TCP11L2: variants seen among roughly 807,000 people sequenced by gnomAD.
The protein encoded by TCP11L2 is t-complex 11 like 2, also known as T-complex protein 11-like protein 2.
A neutral mutation model predicts 50.7 loss-of-function variants in TCP11L2; 39 were observed. The ratio of observed to expected loss-of-function variants is 0.77; its 90% confidence interval spans 0.60 to 1.01. TCP11L2 has a LOEUF of 1.01. Among genes scored for constraint, TCP11L2 ranks in the 50% least tolerant of loss-of-function variants. The pLI, the probability that TCP11L2 is intolerant of heterozygous loss-of-function variation, is 0.00. For missense variants in TCP11L2, 612 were observed against 614.7 expected (o/e 1.00, Z 0.05); for synonymous variants, 192 against 219.3 (o/e 0.88, Z 1.10).
chr12:106,320,778 CACA>C (rs2035306596), intron 4 of TCP11L2, among the ~76,000 whole-genome samples: 1 of 152,178 alleles, frequency 6.6e-6, no homozygotes, highest in African/African-American at 2.4e-5. Context: ...CATACAGATG[CACA>C]ACAATAAACA....
intron 6 of TCP11L2, among the ~76,000 whole-genome samples, chr12:106,331,653 A>G (rs2136774638): frequency 6.6e-6 from 1 of 152,310 alleles, no homozygotes; most frequent in South Asian, 2.1e-4. Context: ...TCCCCAATTC[A>G]CAGACAGAGG....
chr12:106,332,743 C>CT (rs144025121), intron 6 of TCP11L2, among the ~76,000 whole-genome samples: 1 of 151,472 alleles, frequency 6.6e-6, no homozygotes, highest in African/African-American at 2.4e-5. Context: ...AGAGGAAGCT[C>CT]TTTTTTTTGT....
At chr12:106,302,207 G>A (rs2034434678), upstream of TCP11L2, among the ~76,000 whole-genome samples, 1 of 152,076 alleles carries the variant, frequency 6.6e-6, no homozygotes, top group East Asian at 1.9e-4. Flanking sequence ...CCGGGAGCTC[G>A]CAGTGTGGTC....
chr12:106,303,817 A>G (rs975610358), intron 1 of TCP11L2: 3 of 152,252 alleles, frequency 2.0e-5, no homozygotes, highest in African/African-American at 7.2e-5. Flanking sequence ...CGCGGTTACT[A>G]AATTATAGTA....
At chr12:106,317,207 A>G (rs550179003) in intron 3 of TCP11L2, among the ~76,000 whole-genome samples, 1 of 152,326 alleles carries the variant, frequency 6.6e-6, no homozygotes, top group African/African-American at 2.4e-5. Context: ...GTTAGGACAC[A>G]TTGCCTTTGT....
upstream of TCP11L2, among the ~76,000 whole-genome samples, chr12:106,298,118 A>C (rs1343668127): frequency 1.3e-5 from 2 of 152,016 alleles, no homozygotes; most frequent in African/African-American, 4.8e-5. Flanking sequence ...TTTTTTACTA[A>C]TTCAGTTCAG....
intron 1 of TCP11L2, among the ~76,000 whole-genome samples, chr12:106,305,699 G>A (rs2034600339): frequency 1.3e-5 from 2 of 152,186 alleles, no homozygotes; most frequent in South Asian, 4.1e-4. Flanking sequence ...GATGCAGTGA[G>A]TGTAGCAATC....
intron 3 of TCP11L2, among the ~76,000 whole-genome samples, chr12:106,316,213 C>T (rs541872318): frequency 1.3e-5 from 2 of 151,756 alleles, no homozygotes; most frequent in East Asian, 2.0e-4. Context: ...AACTGGTTGC[C>T]GTGTCTCCTT....
intron 6 of TCP11L2, chr12:106,324,724 G>A (rs1393896702): frequency 6.6e-6 from 1 of 152,206 alleles, no homozygotes. Context: ...TGAAAGTGGA[G>A]TAATCAGATT....
At chr12:106,333,360 G>A (rs2035806612) in intron 6 of TCP11L2, among the ~76,000 whole-genome samples, 1 of 152,176 alleles carries the variant, frequency 6.6e-6, no homozygotes, top group African/African-American at 2.4e-5. Context: ...TGATACATAA[G>A]TCGGTGTGGA....
At position 106,318,389 on chromosome 12, in the gene TCP11L2, C is replaced by T. The variant is rs773564450; in HGVS notation, c.339C>T (p.Asp113=). Residue 113 remains aspartate (D), a synonymous_variant, in exon 4 of 10, where the codon GAC becomes GAT. Coordinates refer to ENST00000299045, the MANE Select transcript of TCP11L2 (RefSeq NM_152772.3). ...VKHIVHQAFW[D]VLDSELNADP... is the part of the protein sequence containing the mutation. ...ACATTGTTCACCAGGCCTTCTGGGA[C>T]GTCTTGGATTCAGAACTAAATGCTG... 7.4e-5 allele frequency: 119 copies of T among 1,613,832 alleles called. 1 individual carries two copies. Among genetic ancestry groups the T allele is most frequent in the Admixed American group, 7.2e-4 (43 of 59,982 alleles).
At chr12:106,324,772 G>GA in intron 6 of TCP11L2, 1 of 152,258 alleles carries the variant, frequency 6.6e-6, no homozygotes, top group East Asian at 1.9e-4. Flanking sequence ...AGTTGAGGGT[G>GA]ACTCTAAGGT....
intron 9 of TCP11L2, among the ~76,000 whole-genome samples, 188 bp from the exon 10 acceptor site, chr12:106,346,097 GA>G (rs968050333): frequency 1.3e-5 from 2 of 152,178 alleles, no homozygotes; most frequent in African/African-American, 2.4e-5. Context: ...AGATGGAAAG[GA>G]TGGGAAAAAC....
At position 106,314,501 on chromosome 12, in the gene TCP11L2, G is replaced by A; in HGVS notation, c.293+8G>A. 6.2e-7 allele frequency: 1 copy of A among 1,608,426 alleles called. No homozygotes were observed. Among genetic ancestry groups the A allele is most frequent in the Non-Finnish European group, 8.5e-7 (1 of 1,176,426 alleles). On this transcript the variant is annotated splice_region_variant and intron_variant, in intron 3 of 9. Transcript: ENST00000299045. ...GGCTCTCCCAGAAAAGAGGTAACCT[G>A]GGGGCATTTGTTGTATATAAACTGC...
intron 9 of TCP11L2, among the ~76,000 whole-genome samples, chr12:106,342,735 G>A (rs896840207): frequency 5.3e-5 from 8 of 152,186 alleles, no homozygotes; most frequent in African/African-American, 1.4e-4. Context: ...TAACAAGCTG[G>A]GGGCAGAGTC....
At chr12:106,305,713 G>C (rs1490941789) in intron 1 of TCP11L2, among the ~76,000 whole-genome samples, 1 of 152,190 alleles carries the variant, frequency 6.6e-6, no homozygotes, top group African/African-American at 2.4e-5. Flanking sequence ...AGCAATCAGG[G>C]AAGGTTACCT....
intron 8 of TCP11L2, among the ~76,000 whole-genome samples, chr12:106,338,844 A>T (rs1415436115): frequency 6.6e-6 from 1 of 152,180 alleles, no homozygotes; most frequent in Non-Finnish European, 1.5e-5. Flanking sequence ...CTGACTTTTT[A>T]ATAATAGCCA....
At chr12:106,324,923 T>G (rs902328790) in intron 6 of TCP11L2, 1 of 152,168 alleles carries the variant, frequency 6.6e-6, no homozygotes, top group Non-Finnish European at 1.5e-5. Flanking sequence ...TTGACATCAA[T>G]GTGGAGATGT....
intron 3 of TCP11L2, among the ~76,000 whole-genome samples, chr12:106,315,092 G>A (rs1592939129): frequency 2.6e-5 from 4 of 151,744 alleles, no homozygotes; most frequent in South Asian, 2.1e-4. Flanking sequence ...AAAATTAGCC[G>A]GCCATGGTGG....
Sources: gnomAD v4.1 joint callset for allele counts (sites outside exome capture counted in the v4.1 genomes callset) on GRCh38, gnomAD v4.1.1 for gene constraint, MANE v1.5 for transcripts, NCBI Gene and HGNC (gene_info 2026-07-23, HGNC 2026-07-21) for gene names.